Variants in SUGCT observed in about 807,000 individuals in gnomAD.
SUGCT encodes the protein succinyl-CoA:glutarate CoA-transferase.
A neutral mutation model predicts 55.0 loss-of-function variants in SUGCT; 41 were observed. The observed-to-expected ratio is 0.74, with a 90% CI of 0.58 to 0.97. The LOEUF is 0.97. SUGCT is among the 50% of genes least tolerant of loss of function. SUGCT has a pLI of 0.00. For missense variants in SUGCT, 568 were observed against 547.8 expected (o/e 1.04, Z -0.37); for synonymous variants, 187 against 200.4 (o/e 0.93, Z 0.56).
chr7:40,808,174 G>A (rs1225539586), intron 13 of SUGCT: 1 of 152,236 alleles, frequency 6.6e-6, no homozygotes, highest in African/African-American at 2.4e-5. Flanking sequence ...GAGCAGGTGA[G>A]GGCAGCCAAG....
chr7:40,315,676 A>G lies in SUGCT; in HGVS notation c.721-1084A>G, dbSNP rs890144528. On this transcript the variant is annotated intron_variant, in intron 8 of 13. Coordinates refer to ENST00000335693, the MANE Select transcript of SUGCT (RefSeq NM_001193313.2). ...GGGGCAAGAAAAGGCCTGAAAAATC[A>G]TGCCTTGAGTTGTTCCAGGAGCCAA... Among the ~76,000 whole-genome samples the G allele has an allele frequency of 3.3e-5, 5 of 152,344 alleles. No homozygotes were observed. In the East Asian group the frequency reaches 7.7e-4, roughly 23 times the overall value.
intron 9 of SUGCT, among the ~76,000 whole-genome samples, chr7:40,333,690 T>C (rs1305852787): frequency 8.1e-6 from 1 of 122,726 alleles, no homozygotes; most frequent in East Asian, 2.2e-4. Context: ...TATATATATA[T>C]ATATATATAT....
intron 12 of SUGCT, among the ~76,000 whole-genome samples, chr7:40,526,197 A>T (rs959218112): frequency 5.3e-5 from 8 of 152,050 alleles, no homozygotes; most frequent in Admixed American, 2.0e-4. Context: ...TCATAATAGC[A>T]TTGTTTTTTC....
intron 8 of SUGCT, among the ~76,000 whole-genome samples, chr7:40,292,065 C>T (rs752252158): frequency 1.3e-5 from 2 of 152,180 alleles, no homozygotes; most frequent in African/African-American, 4.8e-5. Flanking sequence ...CAATTTGTTA[C>T]AGCAGTAACG....
chr7:40,280,892 G>A (rs1206933103), intron 8 of SUGCT, among the ~76,000 whole-genome samples: 2 of 152,100 alleles, frequency 1.3e-5, no homozygotes, highest in Non-Finnish European at 2.9e-5. Context: ...TGCGGGTCTT[G>A]CCGATGAGGC....
intron 1 of SUGCT, among the ~76,000 whole-genome samples, chr7:40,155,217 G>A (rs1279263848): frequency 6.6e-6 from 1 of 151,956 alleles, no homozygotes; most frequent in Non-Finnish European, 1.5e-5. Context: ...CCTGGGAGGC[G>A]GAGGTTGCAG....
intron 12 of SUGCT, among the ~76,000 whole-genome samples, chr7:40,620,794 G>A (rs1007910226): frequency 2.0e-5 from 3 of 152,138 alleles, no homozygotes; most frequent in Non-Finnish European, 2.9e-5. Flanking sequence ...AACACAAATA[G>A]ATTGTTAAGT....
At chr7:40,265,352 T>C (rs1256554158) in intron 7 of SUGCT, among the ~76,000 whole-genome samples, 4 of 152,234 alleles carry the variant, frequency 2.6e-5, no homozygotes, top group Non-Finnish European at 5.9e-5. Flanking sequence ...TTCATGCTTC[T>C]TTATTGAACA....
intron 8 of SUGCT, among the ~76,000 whole-genome samples, chr7:40,290,236 T>C (rs868231113): frequency 2.0e-5 from 3 of 152,266 alleles, no homozygotes; most frequent in Middle Eastern, 6.8e-3. Flanking sequence ...GGAGGCAGCA[T>C]GCTACCTGAC....
At chr7:40,595,792 G>A (rs1051770710) in intron 12 of SUGCT, among the ~76,000 whole-genome samples, 1 of 152,108 alleles carries the variant, frequency 6.6e-6, no homozygotes, top group Non-Finnish European at 1.5e-5. Flanking sequence ...GCTAACAAAG[G>A]TTCAGACTCT....
At position 40,800,205 on chromosome 7, in the gene SUGCT, G is replaced by A. The variant is rs181826660; in HGVS notation, c.1153+50708G>A. ...TCATCTTGCTGATGCTCCATGCCTT[G>A]GATGATGGGTGTGGCCTTGTTTGAG... On this transcript the variant is annotated intron_variant, in intron 13 of 13. Coordinates refer to ENST00000335693, the MANE Select transcript of SUGCT (RefSeq NM_001193313.2). 4.2e-3 allele frequency among the ~76,000 whole-genome samples: 641 copies of A among 152,094 alleles called. 6 individuals are homozygous for A. Among genetic ancestry groups the A allele is most frequent in the African/African-American group, 0.014 (599 of 41,516 alleles).
intron 13 of SUGCT, among the ~76,000 whole-genome samples, chr7:40,830,018 C>G (rs1315458121): frequency 1.3e-5 from 2 of 152,196 alleles, no homozygotes; most frequent in African/African-American, 4.8e-5. Flanking sequence ...CAATTTGATT[C>G]TTTCTCTGCT....
intron 7 of SUGCT, among the ~76,000 whole-genome samples, chr7:40,238,419 G>A (rs974261669): frequency 1.4e-4 from 21 of 152,046 alleles, no homozygotes; most frequent in Admixed American, 7.2e-4. Context: ...TATGAATGAC[G>A]TTAAACAAAG....
intron 11 of SUGCT, among the ~76,000 whole-genome samples, chr7:40,464,276 C>T (rs1359607440): frequency 2.0e-5 from 3 of 152,100 alleles, no homozygotes; most frequent in African/African-American, 7.2e-5. Context: ...TTAAGGAGCT[C>T]ATGGTCTAAT....
intron 9 of SUGCT, among the ~76,000 whole-genome samples, chr7:40,362,893 T>G (rs1187518826): frequency 6.6e-6 from 1 of 152,162 alleles, no homozygotes; most frequent in Non-Finnish European, 1.5e-5. Context: ...TGTCTTATAG[T>G]ATATGAAATA....
At chr7:40,831,356 A>C (rs577119983) in intron 13 of SUGCT, among the ~76,000 whole-genome samples, 248 of 152,218 alleles carry the variant, frequency 1.6e-3, no homozygotes, top group Non-Finnish European at 3.1e-3. Flanking sequence ...GCCTCAGAGG[A>C]GCAATAGCCT....
In SUGCT at chr7:40,770,139, C is replaced by T. The variant is rs533662663; in HGVS notation, c.1153+20642C>T. Among the ~76,000 whole-genome samples the T allele has an allele frequency of 2.4e-4, 37 of 152,276 alleles. No individual in the cohort carries two copies. The South Asian group carries it at 6.6e-3, about 27-fold the overall frequency. The stretch of plus-strand genomic sequence containing the variant: ...CTGAACTTGTCAAGTTTCTTGAAAA[C>T]ACCATGCTGTTTTGTCTCTGTTATT... On this transcript the variant is annotated intron_variant, in intron 13 of 13. Transcript: ENST00000335693.
chr7:40,497,520 G>A (rs950713716), intron 12 of SUGCT, among the ~76,000 whole-genome samples: 6 of 152,122 alleles, frequency 3.9e-5, no homozygotes, highest in African/African-American at 1.2e-4. Context: ...AGATAAAGGG[G>A]CCCATTTGGT....
chr7:40,444,058 C>T lies in SUGCT; in HGVS notation c.817-5229C>T, dbSNP rs193042438. ...AGATTTGTGGTATTATTTCTGAGGG[C>T]TCTGTTCTGTTCCATTGGTCTATAT... On this transcript the variant is annotated intron_variant, in intron 9 of 13. Transcript: ENST00000335693. 4.9e-3 allele frequency among the ~76,000 whole-genome samples: 746 copies of T among 152,198 alleles called. 2 individuals carry two copies. The highest frequency in any genetic ancestry group is 0.017 in the African/African-American group (712 of 41,530).
Sources: allele counts gnomAD v4.1 joint callset (sites outside exome capture counted in the v4.1 genomes callset), GRCh38; gene constraint gnomAD v4.1.1; transcripts MANE v1.5; gene names NCBI Gene and HGNC (gene_info 2026-07-23, HGNC 2026-07-21).